NR2F1-AS1: variants seen among roughly 807,000 people sequenced by gnomAD.
NR2F1-AS1 encodes NR2F1 regulatory antisense RNA 1.
intron 4 of NR2F1-AS1, among the ~76,000 whole-genome samples, chr5:93,534,641 G>GA (rs1056320584): frequency 6.6e-6 from 1 of 151,968 alleles, no homozygotes; most frequent in Non-Finnish European, 1.5e-5. Context: ...CAAATAATGA[G>GA]AAAAAAGAGG....
chr5:93,462,921 A>G (rs1322711428), intron 4 of NR2F1-AS1, among the ~76,000 whole-genome samples: 2 of 152,238 alleles, frequency 1.3e-5, no homozygotes, highest in Admixed American at 1.3e-4. Flanking sequence ...AAAGGGAAAC[A>G]GAGCACATAA....
chr5:93,423,499 C>A lies in NR2F1-AS1; in HGVS notation n.639-27957G>T, dbSNP rs1034666813. 4.1e-4 allele frequency among the ~76,000 whole-genome samples: 62 copies of A among 152,176 alleles called. 1 individual carries two copies. Among genetic ancestry groups the A allele is most frequent in the African/African-American group, 1.4e-3 (58 of 41,442 alleles). Reference sequence around the variant, plus strand: ...ACATCAGTCAACAGCCTTACCCCAGCATTATTTCCTGAATACAGACTCAAA... The same window carrying A: ...ACATCAGTCAACAGCCTTACCCCAGAATTATTTCCTGAATACAGACTCAAA... On this transcript the variant is annotated intron_variant and non_coding_transcript_variant, in intron 4 of 5. Transcript: ENST00000660523.
intron 4 of NR2F1-AS1, among the ~76,000 whole-genome samples, chr5:93,537,808 G>T (rs1388099484): frequency 6.6e-6 from 1 of 152,034 alleles, no homozygotes; most frequent in Non-Finnish European, 1.5e-5. Context: ...TATACAGCAG[G>T]TACTCCAATA....
intron 1 of NR2F1-AS1, among the ~76,000 whole-genome samples, chr5:93,567,576 A>G (rs933764311): frequency 1.3e-5 from 2 of 152,210 alleles, no homozygotes; most frequent in African/African-American, 2.4e-5. Flanking sequence ...AGAGAAATCA[A>G]TGAAACAAAT....
chr5:93,435,877 G>A lies in NR2F1-AS1; in HGVS notation n.639-40335C>T, dbSNP rs898654529. 2.6e-5 allele frequency among the ~76,000 whole-genome samples: 4 copies of A among 152,128 alleles called. No homozygotes were observed. The South Asian group carries it at 8.3e-4, about 32-fold the overall frequency. On this transcript the variant is annotated intron_variant and non_coding_transcript_variant, in intron 4 of 5. Transcript: ENST00000660523. ...TTTGTTGGATTATTTTACCATAGTG[G>A]ATTGACAAACTCCATAAAGTGCCTA...
intron 4 of NR2F1-AS1, among the ~76,000 whole-genome samples, chr5:93,473,691 CACACACACAT>C (rs1488878050): frequency 1.3e-5 from 2 of 151,288 alleles, no homozygotes; most frequent in Admixed American, 1.3e-4. Context: ...ACCAAACACA[CACACACACAT>C]ACACACACAC....
intron 4 of NR2F1-AS1, among the ~76,000 whole-genome samples, chr5:93,537,724 T>TA (rs1257204030): frequency 1.3e-5 from 2 of 152,174 alleles, no homozygotes; most frequent in African/African-American, 2.4e-5. Flanking sequence ...GTAGTCATTA[T>TA]AAAAAAGAGT....
intron 4 of NR2F1-AS1, among the ~76,000 whole-genome samples, chr5:93,456,513 A>G (rs1749949463): frequency 6.6e-6 from 1 of 152,222 alleles, no homozygotes; most frequent in East Asian, 1.9e-4. Context: ...AAAGATGTTA[A>G]TTATCCTCAA....
intron 1 of NR2F1-AS1, among the ~76,000 whole-genome samples, chr5:93,576,156 A>G (rs1157372393): frequency 6.6e-6 from 1 of 152,208 alleles, no homozygotes; most frequent in Non-Finnish European, 1.5e-5. Flanking sequence ...CACCAACCTG[A>G]GCCCTAGAAT....
At chr5:93,546,709 T>C (rs1009041809) in intron 4 of NR2F1-AS1, among the ~76,000 whole-genome samples, 2 of 152,204 alleles carry the variant, frequency 1.3e-5, no homozygotes, top group African/African-American at 2.4e-5. Flanking sequence ...TCTTTGATGA[T>C]AGTTTGACAG....
At chr5:93,464,641 C>T (rs1383407227) in intron 4 of NR2F1-AS1, among the ~76,000 whole-genome samples, 4 of 152,184 alleles carry the variant, frequency 2.6e-5, no homozygotes, top group Non-Finnish European at 2.9e-5. Flanking sequence ...ATTCAGATAA[C>T]TAATCAAGTA....
intron 4 of NR2F1-AS1, among the ~76,000 whole-genome samples, chr5:93,437,861 T>A (rs745988678): frequency 3.9e-5 from 6 of 152,216 alleles, no homozygotes; most frequent in Non-Finnish European, 5.9e-5. Flanking sequence ...AACAGCTTAT[T>A]ATCTACTGAA....
intron 4 of NR2F1-AS1, among the ~76,000 whole-genome samples, chr5:93,478,693 C>T (rs12716450): frequency 0.01 from 1,578 of 152,254 alleles, 12 homozygotes; most frequent in Middle Eastern, 0.031. Flanking sequence ...TGAGCCACCG[C>T]GCCCAGCCAA....
At chr5:93,565,834 A>G (rs931574011) in intron 1 of NR2F1-AS1, among the ~76,000 whole-genome samples, 1 of 150,826 alleles carries the variant, frequency 6.6e-6, no homozygotes, top group Non-Finnish European at 1.5e-5. Context: ...GTGCTAAAAT[A>G]TATATATATA....
intron 4 of NR2F1-AS1, among the ~76,000 whole-genome samples, chr5:93,473,337 G>A (rs1168838300): frequency 1.3e-5 from 2 of 151,684 alleles, no homozygotes; most frequent in South Asian, 2.1e-4. Context: ...GATCTTTAGC[G>A]ATAGAATAAA....
chr5:93,532,086 G>C (rs1561486410), intron 4 of NR2F1-AS1, among the ~76,000 whole-genome samples: 1 of 151,974 alleles, frequency 6.6e-6, no homozygotes, highest in Non-Finnish European at 1.5e-5. Flanking sequence ...TATCTTACTA[G>C]ACTGTTTAAA....
At chr5:93,557,209 G>C (rs764828343) in intron 2 of NR2F1-AS1, among the ~76,000 whole-genome samples, 5 of 152,188 alleles carry the variant, frequency 3.3e-5, no homozygotes, top group Admixed American at 6.5e-5. Flanking sequence ...GTAATGCGTA[G>C]AGCTGCTTCG....
intron 4 of NR2F1-AS1, among the ~76,000 whole-genome samples, chr5:93,464,944 G>A (rs1332275469): frequency 6.6e-6 from 1 of 152,184 alleles, no homozygotes; most frequent in Non-Finnish European, 1.5e-5. Flanking sequence ...GTATCATCTA[G>A]CGCAAGCTGT....
intron 4 of NR2F1-AS1, among the ~76,000 whole-genome samples, chr5:93,415,975 T>C (rs1748959695): frequency 6.6e-6 from 1 of 152,208 alleles, no homozygotes. Flanking sequence ...CCACAAGTGG[T>C]GCCCATTTGC....
Sources: gnomAD v4.1 joint callset for allele counts (sites outside exome capture counted in the v4.1 genomes callset) on GRCh38, gnomAD v4.1.1 for gene constraint, MANE v1.5 for transcripts, NCBI Gene and HGNC (gene_info 2026-07-23, HGNC 2026-07-21) for gene names.